The following SYNRG variants were observed in gnomAD, a reference collection of about 807,000 sequenced individuals.
The protein encoded by SYNRG is AP1 gamma subunit binding protein 1.
Under a neutral mutation model 130.9 loss-of-function variants are expected in SYNRG, and 37 were observed. That is an observed-to-expected ratio of 0.28 (90% CI 0.22 to 0.37). The LOEUF (loss-of-function observed/expected upper bound fraction) is 0.37. Ranked by LOEUF, SYNRG falls within the 10% of genes least tolerant of loss-of-function variation. SYNRG has a pLI of 1.00. For missense variants in SYNRG, 1,338 were observed against 1,588.9 expected, an observed-to-expected ratio of 0.84 and a Z score of 2.68; for synonymous variants, 539 against 568.1, an observed-to-expected ratio of 0.95 and a Z score of 0.73.
At chr17:37,557,498 CTACTT>C (rs2059206634) in intron 13 of SYNRG, among the ~76,000 whole-genome samples, 1 of 152,192 alleles carries the variant, frequency 6.6e-6, no homozygotes, top group Non-Finnish European at 1.5e-5. Flanking sequence ...GTTGGCAACT[CTACTT>C]GGAAAACCTT....
Position 37,568,878 on chromosome 17 carries a change from G to A in SYNRG, c.1394C>T (p.Ser465Phe), listed in dbSNP as rs1469187105. Residue 465 changes from serine (S) to phenylalanine (F), a missense_variant, in exon 11 of 22, where the codon TCT (serine) becomes TTT (phenylalanine). Coordinates refer to ENST00000612223, the MANE Select transcript of SYNRG (RefSeq NM_007247.6). ...TGAGTCATCAAGGGATCCTGACTTAGAAGCATCTTGAAAATCCTGGAAGTC... is the reference window on the plus strand; with the variant it reads ...TGAGTCATCAAGGGATCCTGACTTAAAAGCATCTTGAAAATCCTGGAAGTC... ...EDDFQDFQDA[S>F]KSGSLDDSFS... 2 of 1,613,894 alleles carry A rather than the reference G, an allele frequency of 1.2e-6. No homozygotes were observed. Among genetic ancestry groups the A allele is most frequent in the African/African-American group, 2.7e-5 (2 of 74,934 alleles).
At position 37,516,686 on chromosome 17, in the gene SYNRG, C is replaced by G. The variant is rs2054449965; in HGVS notation, c.*2254G>C. On this transcript the variant is annotated 3_prime_UTR_variant, in exon 22 of 22. Transcript: ENST00000612223. Reference sequence around the variant, plus strand: ...CTTTTTTTTTTTTTTTTTTAAGAGACAGTGTCTCGCTCTGTCATCACCTAC... The same window carrying G: ...CTTTTTTTTTTTTTTTTTTAAGAGAGAGTGTCTCGCTCTGTCATCACCTAC... The G allele has an allele frequency of 6.9e-6, 1 of 144,522 alleles. No homozygotes were observed. Among genetic ancestry groups the G allele is most frequent in the African/African-American group, 2.6e-5 (1 of 38,740 alleles). 9.0% of individuals were successfully genotyped at this position (144,522 alleles called of 1,614,324 possible).
intron 3 of SYNRG, among the ~76,000 whole-genome samples, chr17:37,589,271 AG>A (rs1298860460): frequency 6.6e-6 from 1 of 152,240 alleles, no homozygotes; most frequent in African/African-American, 2.4e-5. Context: ...TAAAAGAAGA[AG>A]GATGATCCAT....
In SYNRG at chr17:37,594,277, A is replaced by T. The variant is rs371468254; in HGVS notation, c.240+1946T>A. Among the ~76,000 whole-genome samples, 42 of 145,246 alleles carry T rather than the reference A, an allele frequency of 2.9e-4. 2 individuals are homozygous for T. The South Asian group carries it at 4.3e-3, about 15-fold the overall frequency. On this transcript the variant is annotated intron_variant, in intron 3 of 21. Coordinates refer to ENST00000612223, the MANE Select transcript of SYNRG (RefSeq NM_007247.6). ...TAATTATATTAATTACAATAATATT[A>T]ATTTTAATTATATTAATTACAATAT...
chr17:37,579,077 A>G, intron 6 of SYNRG: 11 of 1,076,346 alleles, frequency 1.0e-5, no homozygotes, highest in Non-Finnish European at 1.3e-5. Flanking sequence ...TATAACAGAA[A>G]TAAGTTATCC....
At chr17:37,548,066 G>C (rs944885155) in intron 14 of SYNRG, among the ~76,000 whole-genome samples, 2 of 152,176 alleles carry the variant, frequency 1.3e-5, no homozygotes, top group African/African-American at 4.8e-5. Context: ...TTTACACACA[G>C]TTACATTCAG....
chr17:37,571,672 C>T, intron 9 of SYNRG, 119 bp downstream of exon 9: 1 of 892,566 alleles, frequency 1.1e-6, no homozygotes, highest in Non-Finnish European at 1.7e-6. Flanking sequence ...AGTACTATAT[C>T]CTGAAAATGA....
At chr17:37,592,272 G>C (rs978764734) in intron 3 of SYNRG, among the ~76,000 whole-genome samples, 1 of 152,082 alleles carries the variant, frequency 6.6e-6, no homozygotes, top group Non-Finnish European at 1.5e-5. Context: ...TGTGAGAATG[G>C]CTAAACAAAA....
chr17:37,540,727 T>C, intron 15 of SYNRG, 184 bp from the exon 16 acceptor site: 1 of 760,292 alleles, frequency 1.3e-6, no homozygotes, highest in Admixed American at 3.7e-5. Flanking sequence ...CTCCGCCTCC[T>C]GGGTTCAAGC....
chr17:37,536,250 C>T, intron 18 of SYNRG, 123 bp from the exon 19 acceptor site: 1 of 1,190,330 alleles, frequency 8.4e-7, no homozygotes, highest in South Asian at 1.7e-5. Context: ...CAGAGGTGTA[C>T]TTACTATTCT....
chr17:37,560,648 T>C (rs1251896543), intron 13 of SYNRG, among the ~76,000 whole-genome samples: 1 of 150,638 alleles, frequency 6.6e-6, no homozygotes, highest in Non-Finnish European at 1.5e-5. Context: ...CCTATCATGA[T>C]ATTTTTTAAA....
intron 11 of SYNRG, among the ~76,000 whole-genome samples, chr17:37,561,862 C>T (rs2059558921): frequency 6.6e-6 from 1 of 151,482 alleles, no homozygotes; most frequent in African/African-American, 2.4e-5. Context: ...GACTGTCTAA[C>T]CATCTCTTTA....
In SYNRG at chr17:37,570,654, T is replaced by C. The variant is rs1029115870; in HGVS notation, c.1330A>G (p.Thr444Ala). 6.2e-7 allele frequency: 1 copy of C among 1,613,680 alleles called. No homozygotes were observed. The highest frequency in any genetic ancestry group is 8.5e-7 in the Non-Finnish European group (1 of 1,179,814). The change falls in exon 10 of 22, where the codon ACC (threonine) becomes GCC (alanine). Residue 444 changes from threonine to alanine, a missense_variant. Coordinates refer to ENST00000612223, the MANE Select transcript of SYNRG (RefSeq NM_007247.6). ...CCATTTACCTGATTTGCAGGGTAGG[T>C]TGGTATGAAACCACTAGAAGCCTGG... is the stretch of plus-strand genomic sequence containing the variant. ...AAQASSGFIP[T>A]YPANQVVKPE...
chr17:37,528,647 G>A (rs2056249628), intron 19 of SYNRG, among the ~76,000 whole-genome samples: 1 of 152,178 alleles, frequency 6.6e-6, no homozygotes, highest in African/African-American at 2.4e-5. Context: ...CTAATCCAGA[G>A]TCCTGGAAGT....
Position 37,593,106 on chromosome 17 carries a change from A to G in SYNRG, c.240+3117T>C, listed in dbSNP as rs117345060. ...AGAGATTATAATAATCAATAATAATATAATAATAATCAAGACTAAATTTCT... is the reference window on the plus strand; with the variant it reads ...AGAGATTATAATAATCAATAATAATGTAATAATAATCAAGACTAAATTTCT... On this transcript the variant is annotated intron_variant, in intron 3 of 21. Transcript: ENST00000612223. Among the ~76,000 whole-genome samples the G allele has an allele frequency of 1.1e-4, 17 of 152,254 alleles. No individual in the cohort carries two copies. In the East Asian group the frequency reaches 1.7e-3, roughly 16 times the overall value.
intron 14 of SYNRG, among the ~76,000 whole-genome samples, chr17:37,550,832 T>C (rs2058655337): frequency 6.6e-6 from 1 of 152,218 alleles, no homozygotes. Context: ...GGTCAGCTCT[T>C]GCTGCCAATA....
intron 10 of SYNRG, 40 bp from the exon 11 acceptor site, chr17:37,568,964 G>A: frequency 6.3e-7 from 1 of 1,578,176 alleles, no homozygotes; most frequent in Non-Finnish European, 8.6e-7. Flanking sequence ...AGCACTGACT[G>A]ACAAAATAAA....
chr17:37,589,195 G>A (rs1263560735), intron 3 of SYNRG, among the ~76,000 whole-genome samples: 1 of 152,200 alleles, frequency 6.6e-6, no homozygotes, highest in African/African-American at 2.4e-5. Context: ...AGCCCCAACA[G>A]TGTTTTGACA....
chr17:37,601,630 T>A (rs983778446), intron 1 of SYNRG, among the ~76,000 whole-genome samples: 1 of 152,016 alleles, frequency 6.6e-6, no homozygotes, highest in African/African-American at 2.4e-5. Flanking sequence ...GTAAGAAAGC[T>A]CTCTTCTAAG....
Sources: gnomAD v4.1 joint callset for allele counts (sites outside exome capture counted in the v4.1 genomes callset) on GRCh38, gnomAD v4.1.1 for gene constraint, MANE v1.5 for transcripts, NCBI Gene and HGNC (gene_info 2026-07-23, HGNC 2026-07-21) for gene names.